NEK10: variants seen among roughly 807,000 people sequenced by gnomAD.
NEK10 encodes serine/threonine-protein kinase Nek10.
A neutral mutation model predicts 159.8 loss-of-function variants in NEK10; 122 were observed. The observed-to-expected ratio is 0.76, with a 90% CI of 0.66 to 0.89. The LOEUF is 0.89. Among genes scored for constraint, NEK10 ranks in the 40% least tolerant of loss-of-function variants. The pLI is 0.00. For missense variants in NEK10, 1,342 were observed against 1,323.1 expected, an observed-to-expected ratio of 1.01 and a Z score of -0.22; for synonymous variants, 466 against 457.1, an observed-to-expected ratio of 1.02 and a Z score of -0.25.
intron 3 of NEK10, 71 bp downstream of exon 3, chr3:27,352,394 G>T: frequency 1.0e-6 from 1 of 974,618 alleles, no homozygotes; most frequent in Non-Finnish European, 1.7e-6. Context: ...TCATAGATAT[G>T]TTAAATGGAG....
At chr3:27,119,893 A>T in intron 32 of NEK10, 25 bp from the exon 33 acceptor site, 1 of 1,554,898 alleles carries the variant, frequency 6.4e-7, no homozygotes, top group Non-Finnish European at 8.9e-7. Flanking sequence ...GCAAAATCAC[A>T]TCTTAGTTTA....
At chr3:27,259,054 G>A (rs1206078004) in intron 22 of NEK10, among the ~76,000 whole-genome samples, 1 of 147,686 alleles carries the variant, frequency 6.8e-6, no homozygotes, top group East Asian at 1.9e-4. Flanking sequence ...TCACCCACTT[G>A]TTGATGCAGT....
At chr3:27,349,156 G>A (rs1441223701) in intron 3 of NEK10, among the ~76,000 whole-genome samples, 1 of 151,976 alleles carries the variant, frequency 6.6e-6, no homozygotes, top group African/African-American at 2.4e-5. Context: ...GTTCTCTGTT[G>A]CTGATGGAAT....
intron 23 of NEK10, among the ~76,000 whole-genome samples, chr3:27,220,380 T>C (rs1049697980): frequency 6.6e-6 from 1 of 152,224 alleles, no homozygotes; most frequent in Non-Finnish European, 1.5e-5. Context: ...AAGTCAGCAA[T>C]GGCCAGTCAA....
intron 1 of NEK10, among the ~76,000 whole-genome samples, chr3:27,364,237 C>A (rs2048889534): frequency 6.6e-6 from 1 of 152,024 alleles, no homozygotes; most frequent in South Asian, 2.1e-4. Context: ...TGCAGTGGCA[C>A]AATCTTGGCT....
At chr3:27,282,616 G>GTT (rs1575580624) in intron 22 of NEK10, among the ~76,000 whole-genome samples, 1 of 132,638 alleles carries the variant, frequency 7.5e-6, no homozygotes, top group East Asian at 2.1e-4. Context: ...ACATAACTGT[G>GTT]TTATATATAT....
chr3:27,203,324 T>C (rs1266077909), intron 23 of NEK10, among the ~76,000 whole-genome samples: 1 of 152,218 alleles, frequency 6.6e-6, no homozygotes, highest in Non-Finnish European at 1.5e-5. Context: ...AGCTCTAGCA[T>C]ATAAAGTAGG....
intron 15 of NEK10, 107 bp downstream of exon 15, chr3:27,295,506 C>G (rs1421353166): frequency 3.6e-6 from 5 of 1,376,658 alleles, no homozygotes; most frequent in African/African-American, 1.5e-5. Flanking sequence ...ATAGTCAGTA[C>G]AGGGACCAGT....
chr3:27,293,742 C>A, intron 15 of NEK10, 90 bp from the exon 16 acceptor site: 1 of 699,564 alleles, frequency 1.4e-6, no homozygotes. Context: ...TAAACATTAA[C>A]GTGACTTTAT....
intron 13 of NEK10, among the ~76,000 whole-genome samples, chr3:27,301,064 G>T (rs1243457726): frequency 6.6e-6 from 1 of 152,090 alleles, no homozygotes; most frequent in Non-Finnish European, 1.5e-5. Flanking sequence ...CTTTCTGTGG[G>T]CCGCTCTAGG....
chr3:27,111,378 A>G, intron 35 of NEK10, 58 bp from the exon 36 acceptor site: 3 of 1,339,246 alleles, frequency 2.2e-6, no homozygotes, highest in Non-Finnish European at 3.1e-6. Flanking sequence ...TAGTTCATAC[A>G]TTCAATTTCA....
chr3:27,237,091 T>C (rs1483317506), intron 23 of NEK10, among the ~76,000 whole-genome samples: 1 of 152,114 alleles, frequency 6.6e-6, no homozygotes, highest in African/African-American at 2.4e-5. Flanking sequence ...CAGCGATATC[T>C]CTCCTACTTG....
chr3:27,186,541 C>T (rs932381173), intron 26 of NEK10, among the ~76,000 whole-genome samples: 1 of 152,130 alleles, frequency 6.6e-6, no homozygotes, highest in Non-Finnish European at 1.5e-5. Context: ...TAGAGTTGGG[C>T]TGTTGATGGA....
intron 23 of NEK10, among the ~76,000 whole-genome samples, chr3:27,204,122 A>G (rs1391038171): frequency 4.6e-5 from 7 of 152,062 alleles, no homozygotes; most frequent in African/African-American, 1.7e-4. Flanking sequence ...CATATTTCCA[A>G]AAGATCACAA....
At chr3:27,255,303 C>T (rs1427590731) in intron 23 of NEK10, 1 of 431,774 alleles carries the variant, frequency 2.3e-6, no homozygotes, top group African/African-American at 2.0e-5. Flanking sequence ...CTCATGAAAC[C>T]ACTTTCAAGA....
intron 1 of NEK10, among the ~76,000 whole-genome samples, chr3:27,360,693 G>C (rs1472369695): frequency 6.6e-6 from 1 of 152,190 alleles, no homozygotes; most frequent in Non-Finnish European, 1.5e-5. Context: ...ACCCTGGGGT[G>C]CTTGCAAACA....
chr3:27,155,620 C>T (rs1945329071), intron 30 of NEK10, among the ~76,000 whole-genome samples: 1 of 151,850 alleles, frequency 6.6e-6, no homozygotes. Context: ...AACTACAAAA[C>T]ACTGCTGGAA....
chr3:27,366,737 T>A (rs1007799767), intron 1 of NEK10, among the ~76,000 whole-genome samples: 6 of 151,662 alleles, frequency 4.0e-5, no homozygotes, highest in African/African-American at 1.5e-4. Context: ...CTTGACTGAA[T>A]CAAAAGATTG....
chr3:27,297,096 T>A (rs1171585288), intron 14 of NEK10, 83 bp downstream of exon 14: 8 of 785,804 alleles, frequency 1.0e-5, no homozygotes, highest in Non-Finnish European at 1.7e-5. Flanking sequence ...CCAAAACCTA[T>A]GTTCTGGGAT....
Sources: gnomAD v4.1 joint callset for allele counts (sites outside exome capture counted in the v4.1 genomes callset) on GRCh38, gnomAD v4.1.1 for gene constraint, MANE v1.5 for transcripts, NCBI Gene and HGNC (gene_info 2026-07-23, HGNC 2026-07-21) for gene names.